The following WDR64 variants were observed in gnomAD, a reference collection of about 807,000 sequenced individuals.
WDR64 encodes the protein WD repeat-containing protein 64.
A neutral mutation model predicts 139.3 loss-of-function variants in WDR64; 112 were observed. The ratio of observed to expected loss-of-function variants is 0.80; its 90% CI spans 0.69 to 0.94. The LOEUF (loss-of-function observed/expected upper bound fraction) is 0.94. Ranked by LOEUF, WDR64 falls within the 40% of genes least tolerant of loss-of-function variation. The pLI is 0.00. For synonymous variants in WDR64, 444 were observed against 437.7 expected (o/e 1.01, Z -0.18); for missense variants, 1,206 against 1,293.1 (o/e 0.93, Z 1.03).
rs773275543 is a variant in WDR64 at position 241,780,047 on chromosome 1, A to G, written c.2580A>G (p.Pro860=). The G allele has an allele frequency of 6.3e-7, 1 of 1,587,878 alleles. No individual in the cohort carries two copies. Among genetic ancestry groups the G allele is most frequent in the Non-Finnish European group, 8.5e-7 (1 of 1,173,226 alleles). ...ILCNISSFLD[P]PHDEKKFKQL... is the part of the protein sequence containing the mutation. The stretch of plus-strand genomic sequence containing the variant: ...GCAATATTAGCTCTTTCCTGGATCC[A>G]CCTCATGATGAAAAGGTAAGAACTT... Residue 860 remains proline, a synonymous_variant, in exon 22 of 28, where the codon CCA becomes CCG. Transcript: ENST00000437684.
At chr1:241,767,670 C>G (rs1279827085) in intron 16 of WDR64, among the ~76,000 whole-genome samples, 1 of 152,100 alleles carries the variant, frequency 6.6e-6, no homozygotes, top group Non-Finnish European at 1.5e-5. Flanking sequence ...CTTTACACTT[C>G]TTAACATACT....
chr1:241,664,133 T>G (rs978304221), intron 2 of WDR64, among the ~76,000 whole-genome samples: 1 of 152,246 alleles, frequency 6.6e-6, no homozygotes, highest in African/African-American at 2.4e-5. Flanking sequence ...GTTTTGTTTT[T>G]TGTTCCAGGA....
chr1:241,655,059 T>C (rs185674598), intron 1 of WDR64, among the ~76,000 whole-genome samples: 2 of 152,266 alleles, frequency 1.3e-5, no homozygotes, highest in East Asian at 3.9e-4. Flanking sequence ...ATGGTATCTA[T>C]CTCTTGGCTT....
intron 13 of WDR64, among the ~76,000 whole-genome samples, chr1:241,745,415 A>G (rs1489280889): frequency 6.6e-6 from 1 of 151,062 alleles, no homozygotes; most frequent in Admixed American, 6.6e-5. Context: ...CACCCTGCAT[A>G]GACATGAAAT....
At chr1:241,677,216 G>A (rs549833991) in intron 4 of WDR64, 5 of 397,184 alleles carry the variant, frequency 1.3e-5, no homozygotes, top group Non-Finnish European at 2.2e-5. Flanking sequence ...TAAAGAAGCT[G>A]AGAGGACTTT....
chr1:241,751,884 A>T (rs759808600), intron 14 of WDR64, among the ~76,000 whole-genome samples: 17 of 152,322 alleles, frequency 1.1e-4, no homozygotes, highest in Non-Finnish European at 2.5e-4. Flanking sequence ...ATAGAATTGC[A>T]TTCTGCCTAT....
At chr1:241,655,677 C>A (rs960967608) in intron 1 of WDR64, among the ~76,000 whole-genome samples, 4 of 146,948 alleles carry the variant, frequency 2.7e-5, no homozygotes, top group African/African-American at 1.0e-4. Flanking sequence ...CATGTCATTC[C>A]CCAATATGGA....
rs749546758 is a variant in WDR64, at chr1:241,738,451, CTATGA to C, written c.1287_1291del (p.Met429IlefsTer2). 1.4e-5 allele frequency: 23 copies of C among 1,613,736 alleles called. No homozygotes were observed. Among genetic ancestry groups the C allele is most frequent in the Non-Finnish European group, 1.9e-5 (23 of 1,179,826 alleles). ...GGACCAGGAGACATGCAGATTTACT[CTATGA>C]TATATGATGCCAATCATGGCATGCT... is the stretch of plus-strand genomic sequence containing the variant. On this transcript the variant is annotated frameshift_variant, in exon 11 of 28. Transcript: ENST00000437684. LOFTEE classifies it high-confidence loss of function.
chr1:241,659,071 T>C (rs952347107), intron 1 of WDR64, among the ~76,000 whole-genome samples: 1 of 152,128 alleles, frequency 6.6e-6, no homozygotes, highest in African/African-American at 2.4e-5. Context: ...CCCACAACCC[T>C]ATGACAGGCC....
chr1:241,758,805 C>T (rs1170950895), intron 15 of WDR64, among the ~76,000 whole-genome samples: 2 of 152,016 alleles, frequency 1.3e-5, no homozygotes, highest in Admixed American at 1.3e-4. Context: ...GATCTAAAAT[C>T]CACTGTTTCT....
At position 241,735,823 on chromosome 1, in the gene WDR64, A is replaced by ATCTCTC. The variant is rs762750963; in HGVS notation, c.1195-2512_1195-2507dup. 8.6e-3 allele frequency among the ~76,000 whole-genome samples: 715 copies of ATCTCTC among 82,746 alleles called. 14 individuals are homozygous for ATCTCTC. Among genetic ancestry groups the ATCTCTC allele is most frequent in the Middle Eastern group, 0.032 (5 of 158 alleles). The allele number at this position is 82,746 out of a possible 152,430, so 54.3% of individuals were successfully genotyped here. ...GCTCCCAGCCTGTCCTTCTCTTTCT[A>ATCTCTC]TCTCTCTCTCTCTCTCTCTCTCTCT... On this transcript the variant is annotated intron_variant, in intron 10 of 27. Coordinates refer to ENST00000437684, the MANE Select transcript of WDR64 (RefSeq NM_001367482.1).
chr1:241,785,441 T>C (rs138882924), intron 23 of WDR64, among the ~76,000 whole-genome samples: 2 of 152,304 alleles, frequency 1.3e-5, no homozygotes, highest in East Asian at 1.9e-4. Flanking sequence ...ATTCCATTCA[T>C]GAAGACTGAG....
At chr1:241,775,301 T>A in intron 21 of WDR64, 91 bp downstream of exon 21, 1 of 984,008 alleles carries the variant, frequency 1.0e-6, no homozygotes, top group Non-Finnish European at 1.5e-6. Flanking sequence ...TGGTATATGG[T>A]GAAACAAAAG....
At chr1:241,733,851 A>G (rs754560082) in intron 10 of WDR64, among the ~76,000 whole-genome samples, 7 of 151,070 alleles carry the variant, frequency 4.6e-5, no homozygotes, top group African/African-American at 1.7e-4. Flanking sequence ...TTCTTCCTAA[A>G]CCCCCTCAGT....
At chr1:241,765,372 C>T (rs1456393286) in intron 15 of WDR64, among the ~76,000 whole-genome samples, 5 of 151,918 alleles carry the variant, frequency 3.3e-5, no homozygotes, top group African/African-American at 1.2e-4. Context: ...TCTGAGATTC[C>T]TCAGAAACAG....
chr1:241,751,000 ATTTAC>A (rs1204161405), intron 14 of WDR64, among the ~76,000 whole-genome samples: 19 of 152,204 alleles, frequency 1.2e-4, no homozygotes, highest in Non-Finnish European at 2.6e-4. Flanking sequence ...TATTACTATT[ATTTAC>A]TTTATTATTA....
At chr1:241,757,535 G>C (rs900621189) in intron 15 of WDR64, 76 bp downstream of exon 15, 66 of 1,350,694 alleles carry the variant, frequency 4.9e-5, no homozygotes, top group Non-Finnish European at 6.3e-5. Context: ...TAAAGGTACA[G>C]AAAATAATAC....
At chr1:241,679,820 T>C (rs1210666135) in intron 6 of WDR64, among the ~76,000 whole-genome samples, 1 of 152,224 alleles carries the variant, frequency 6.6e-6, no homozygotes, top group African/African-American at 2.4e-5. Flanking sequence ...TGGGTTGTTT[T>C]TGAGAGAGGG....
At chr1:241,704,702 A>G (rs1456938542) in intron 8 of WDR64, among the ~76,000 whole-genome samples, 2 of 152,348 alleles carry the variant, frequency 1.3e-5, no homozygotes, top group African/African-American at 4.8e-5. Context: ...TATGAACACA[A>G]TTCCACATGC....
Sources: allele counts gnomAD v4.1 joint callset (sites outside exome capture counted in the v4.1 genomes callset), GRCh38; gene constraint gnomAD v4.1.1; transcripts MANE v1.5; gene names NCBI Gene and HGNC (gene_info 2026-07-23, HGNC 2026-07-21).